Variants in MAGI1 observed in about 807,000 individuals in gnomAD.
The protein encoded by MAGI1 is membrane-associated guanylate kinase, WW and PDZ domain-containing protein 1.
MAGI1 carries 58 observed loss-of-function variants against 139.9 expected under a neutral mutation model. That is an observed-to-expected ratio of 0.41 (90% confidence interval 0.34 to 0.52). MAGI1 has a LOEUF of 0.52. MAGI1 is among the 20% of genes least tolerant of loss of function. MAGI1 has a pLI of 0.12. For synonymous variants in MAGI1, 812 were observed against 737.9 expected, an observed-to-expected ratio of 1.10 and a Z score of -1.63; for missense variants, 1,874 against 1,901.6, an observed-to-expected ratio of 0.99 and a Z score of 0.27.
intron 1 of MAGI1, among the ~76,000 whole-genome samples, chr3:65,832,868 A>T (rs971052523): frequency 1.3e-5 from 2 of 152,108 alleles, no homozygotes; most frequent in East Asian, 3.9e-4. Context: ...TTATTACTCA[A>T]TGTGGGGGAG....
intron 22 of MAGI1, chr3:65,359,049 G>C: frequency 1.2e-6 from 2 of 1,609,928 alleles, no homozygotes; most frequent in Non-Finnish European, 1.7e-6. Context: ...ACCTAGTATT[G>C]ATTGAGCTAC....
chr3:66,028,121 G>A (rs1156813975), intron 1 of MAGI1, among the ~76,000 whole-genome samples: 1 of 152,186 alleles, frequency 6.6e-6, no homozygotes, highest in African/African-American at 2.4e-5. Context: ...CCTGAGCAAT[G>A]TAGTGAAACC....
At chr3:65,810,762 T>G (rs2041178681) in intron 1 of MAGI1, among the ~76,000 whole-genome samples, 1 of 152,214 alleles carries the variant, frequency 6.6e-6, no homozygotes, top group Non-Finnish European at 1.5e-5. Flanking sequence ...CCAGGTCTAC[T>G]GACTTTCAAC....
At chr3:65,543,543 CATAT>C (rs1206515250) in intron 2 of MAGI1, among the ~76,000 whole-genome samples, 1 of 152,138 alleles carries the variant, frequency 6.6e-6, no homozygotes, top group African/African-American at 2.4e-5. Context: ...AAATGTGGCA[CATAT>C]ATACCATGGA....
chr3:65,938,206 T>C (rs572367815), intron 1 of MAGI1, among the ~76,000 whole-genome samples: 2 of 151,582 alleles, frequency 1.3e-5, no homozygotes, highest in East Asian at 3.9e-4. Context: ...ACAGTTTCTT[T>C]CCATTTAAGT....
intron 1 of MAGI1, among the ~76,000 whole-genome samples, chr3:65,975,148 A>G (rs1017889947): frequency 4.6e-5 from 7 of 151,720 alleles, no homozygotes; most frequent in Non-Finnish European, 1.0e-4. Context: ...TTTTCTTCCT[A>G]ACCCAAAAAT....
chr3:65,450,434 C>T lies in MAGI1; in HGVS notation c.1043-2377G>A, dbSNP rs554095694. ...ATGCCAACTGAATTCAGCTGGTTCA[C>T]GGGTTAGAAATAGGTGTGAAGAAAA... On this transcript the variant is annotated intron_variant, in intron 6 of 22. Coordinates refer to ENST00000402939, the MANE Select transcript of MAGI1 (RefSeq NM_001033057.2). Among the ~76,000 whole-genome samples, 142 of 152,032 alleles carry T rather than the reference C, an allele frequency of 9.3e-4. 1 individual carries two copies. The South Asian group carries it at 0.02, about 21-fold the overall frequency.
intron 17 of MAGI1, among the ~76,000 whole-genome samples, chr3:65,377,575 G>A (rs372175444): frequency 1.4e-4 from 21 of 152,204 alleles, no homozygotes; most frequent in Non-Finnish European, 1.9e-4. Flanking sequence ...AGTTAGGAAC[G>A]TCACAGGATG....
chr3:65,569,559 A>AT (rs5849678), intron 2 of MAGI1, among the ~76,000 whole-genome samples: 83,186 of 151,892 alleles, frequency 0.55, 23,237 homozygotes, highest in East Asian at 0.82. Flanking sequence ...TCCTTCCACA[A>AT]TTTTAAAGGA....
chr3:65,615,498 C>A (rs145926573), intron 2 of MAGI1, among the ~76,000 whole-genome samples: 1 of 152,170 alleles, frequency 6.6e-6, no homozygotes. Flanking sequence ...CACTTCAATG[C>A]TCCTGAAGGG....
At chr3:65,964,801 C>T (rs563652526) in intron 1 of MAGI1, among the ~76,000 whole-genome samples, 1 of 152,324 alleles carries the variant, frequency 6.6e-6, no homozygotes, top group African/African-American at 2.4e-5. Context: ...AGGGGATTCC[C>T]TGAGGATGCC....
In MAGI1 at chr3:65,439,977, A is replaced by C; in HGVS notation, c.1172T>G (p.Val391Gly). Reference sequence around the variant, plus strand: ...CTGCTTCTTCCGTTTGGCTTCTAGAACCGGGTTCTCATATTGTGTCTTCCT... The same window carrying C: ...CTGCTTCTTCCGTTTGGCTTCTAGACCCGGGTTCTCATATTGTGTCTTCCT... The part of the protein sequence containing the change: ...INRKTQYENP[V>G]LEAKRKKQLE... Residue 391 changes from valine (V) to glycine (G), a missense_variant, in exon 9 of 23, where the codon GTT becomes GGT. By Grantham distance (109) the Val-to-Gly change is moderately radical (BLOSUM62 -3). This residue lies in a region of MAGI1 where 648 missense variants were observed against 598.1 expected (regional missense o/e 1.08). Transcript: ENST00000402939. The C allele has an allele frequency of 6.2e-7, 1 of 1,613,912 alleles. No individual in the cohort carries two copies. The highest frequency in any genetic ancestry group is 2.2e-5 in the East Asian group (1 of 44,878).
At chr3:66,012,721 G>A (rs1461997057) in intron 1 of MAGI1, among the ~76,000 whole-genome samples, 1 of 149,818 alleles carries the variant, frequency 6.7e-6, no homozygotes, top group Non-Finnish European at 1.5e-5. Flanking sequence ...AGCCAAGATC[G>A]TGCTACTGCA....
At chr3:65,886,899 C>A (rs1243401704) in intron 1 of MAGI1, among the ~76,000 whole-genome samples, 1 of 152,186 alleles carries the variant, frequency 6.6e-6, no homozygotes, top group Non-Finnish European at 1.5e-5. Flanking sequence ...CTATTAATTT[C>A]TCCTACCTGA....
chr3:65,460,061 T>C (rs1949669375), intron 5 of MAGI1, among the ~76,000 whole-genome samples: 1 of 152,262 alleles, frequency 6.6e-6, no homozygotes, highest in Admixed American at 6.5e-5. Flanking sequence ...AGATGCTCTT[T>C]AACAAGTCAA....
chr3:65,632,651 G>C (rs1039103476), intron 1 of MAGI1, among the ~76,000 whole-genome samples: 29 of 152,188 alleles, frequency 1.9e-4, no homozygotes, highest in African/African-American at 6.8e-4. Context: ...TTCCAGCCTT[G>C]AGAGTGCACA....
At chr3:65,849,563 C>A (rs1340348890) in intron 1 of MAGI1, among the ~76,000 whole-genome samples, 2 of 150,522 alleles carry the variant, frequency 1.3e-5, no homozygotes, top group African/African-American at 4.9e-5. Context: ...ATATATATAT[C>A]TCACTGGGAT....
chr3:65,706,614 T>C (rs1244877360), intron 1 of MAGI1, among the ~76,000 whole-genome samples: 1 of 151,968 alleles, frequency 6.6e-6, no homozygotes, highest in East Asian at 1.9e-4. Context: ...CAGAATATCC[T>C]GGAGAGGAGT....
chr3:65,734,570 G>T (rs111907804), intron 1 of MAGI1, among the ~76,000 whole-genome samples: 1 of 145,942 alleles, frequency 6.9e-6, no homozygotes. Flanking sequence ...AGAGAGAGAG[G>T]GAGAGAGAGA....
Sources: gnomAD v4.1 joint callset for allele counts (sites outside exome capture counted in the v4.1 genomes callset) on GRCh38, gnomAD v4.1.1 for gene constraint, gnomAD v4.1.1 regional missense constraint, MANE v1.5 for transcripts, NCBI Gene and HGNC (gene_info 2026-07-23, HGNC 2026-07-21) for gene names.